The following LRCH3 variants were observed in gnomAD, a reference collection of about 807,000 sequenced individuals.
The protein encoded by LRCH3 is DISP complex protein LRCH3.
In LRCH3, 68 loss-of-function variants were observed where a neutral mutation model predicts 104.5. That is an observed-to-expected ratio of 0.65 (90% confidence interval 0.54 to 0.80). The LOEUF is 0.80. Among genes scored for constraint, LRCH3 ranks in the 30% least tolerant of loss-of-function variants. The probability of loss-of-function intolerance (pLI) is 0.00; values close to 1 mark genes in which losing one functional copy is unlikely to be tolerated. For synonymous variants in LRCH3, 344 were observed against 361.3 expected (o/e 0.95, Z 0.54); for missense variants, 951 against 953.9 (o/e 1.00, Z 0.04).
At chr3:197,824,899 A>G (rs1484253358) in intron 4 of LRCH3, among the ~76,000 whole-genome samples, 1 of 152,114 alleles carries the variant, frequency 6.6e-6, no homozygotes, top group African/African-American at 2.4e-5. Flanking sequence ...TTCTGTGTTA[A>G]ATACTCTGAG....
At chr3:197,844,720 C>T (rs781437741) in intron 10 of LRCH3, among the ~76,000 whole-genome samples, 18 of 152,104 alleles carry the variant, frequency 1.2e-4, no homozygotes, top group Admixed American at 3.3e-4. Context: ...CAGGTTCAAG[C>T]GATTCCCCTG....
At chr3:197,804,861 C>CT (rs1471399158) in intron 1 of LRCH3, among the ~76,000 whole-genome samples, 2 of 151,974 alleles carry the variant, frequency 1.3e-5, no homozygotes, top group Non-Finnish European at 2.9e-5. Context: ...CCAATAGAAT[C>CT]TATCTGTACC....
intron 6 of LRCH3, 54 bp from the exon 7 acceptor site, chr3:197,830,716 A>G (rs564726531): frequency 1.4e-6 from 2 of 1,458,824 alleles, no homozygotes; most frequent in African/African-American, 2.8e-5. Flanking sequence ...TTTAATTTCA[A>G]ATTTTAATTG....
At chr3:197,845,202 A>G (rs1390898967) in intron 10 of LRCH3, among the ~76,000 whole-genome samples, 1 of 152,022 alleles carries the variant, frequency 6.6e-6, no homozygotes, top group Non-Finnish European at 1.5e-5. Context: ...TGAGCCCAGG[A>G]GTTCAAGACC....
At chr3:197,836,967 C>T (rs10428137) in intron 9 of LRCH3, among the ~76,000 whole-genome samples, 4,672 of 152,204 alleles carry the variant, frequency 0.031, 252 homozygotes, top group African/African-American at 0.11. Flanking sequence ...TGTGAGCCAC[C>T]GCACCCAGCC....
chr3:197,850,458 T>A (rs925009747), intron 12 of LRCH3: 123 of 1,586,750 alleles, frequency 7.8e-5, no homozygotes, highest in Non-Finnish European at 1.0e-4. Context: ...CTTTTTCTTC[T>A]GGGCAACCTC....
intron 5 of LRCH3, among the ~76,000 whole-genome samples, chr3:197,827,677 C>A (rs960093408): frequency 6.6e-6 from 1 of 151,902 alleles, no homozygotes; most frequent in Non-Finnish European, 1.5e-5. Context: ...GAATTCTTCC[C>A]TAAATTTTTT....
At chr3:197,828,076 CAAA>C (rs11396052) in intron 5 of LRCH3, among the ~76,000 whole-genome samples, 1 of 129,284 alleles carries the variant, frequency 7.7e-6, no homozygotes, top group African/African-American at 2.9e-5. Flanking sequence ...GACTCCGTCT[CAAA>C]AAAAAAAAAA....
intron 18 of LRCH3, 122 bp from the exon 19 acceptor site, chr3:197,871,203 G>A: frequency 2.6e-6 from 2 of 761,448 alleles, no homozygotes; most frequent in Non-Finnish European, 4.4e-6. Context: ...GGGATAAAAT[G>A]GATATTGTGG....
At chr3:197,881,559 A>C (rs1441157312) in intron 20 of LRCH3, 1 of 983,000 alleles carries the variant, frequency 1.0e-6, no homozygotes, top group African/African-American at 1.8e-5. Context: ...TAATAGTGAA[A>C]CAGTAGCAGG....
intron 17 of LRCH3, among the ~76,000 whole-genome samples, chr3:197,868,810 C>G (rs557423068): frequency 6.6e-6 from 1 of 152,268 alleles, no homozygotes; most frequent in East Asian, 1.9e-4. Flanking sequence ...TGTTAGAAGT[C>G]AGGGTGCGGT....
chr3:197,871,991 G>A (rs372967586), intron 19 of LRCH3, among the ~76,000 whole-genome samples: 8 of 152,156 alleles, frequency 5.3e-5, no homozygotes, highest in African/African-American at 1.9e-4. Context: ...TGTGAAGGAC[G>A]TTTACCCTAG....
intron 6 of LRCH3, 152 bp downstream of exon 6, chr3:197,829,825 C>A: frequency 1.6e-6 from 1 of 619,452 alleles, no homozygotes; most frequent in Non-Finnish European, 2.8e-6. Context: ...AGTTGATTAC[C>A]TAGATCTGGC....
In LRCH3 at chr3:197,817,238, C is replaced by T. The variant is rs1239906247; in HGVS notation, c.470C>T (p.Ala157Val). 1 of 1,610,086 alleles carries T rather than the reference C, an allele frequency of 6.2e-7. No homozygotes were observed. The highest frequency in any genetic ancestry group is 2.2e-5 in the East Asian group (1 of 44,620). Residue 157 changes from alanine to valine, a missense_variant, in exon 3 of 21, where the codon GCT becomes GTT. By Grantham distance (64) the Ala-to-Val change is moderately conservative. Transcript: ENST00000425562. Reference sequence around the variant, plus strand: ...AATTTGCCATTGAAAGTCTTAATTGCTAGTAATAACAAATTGGTGTCACTT... The same window carrying T: ...AATTTGCCATTGAAAGTCTTAATTGTTAGTAATAACAAATTGGTGTCACTT... The part of the protein sequence containing the change: ...LCNLPLKVLI[A>V]SNNKLVSLPE...
chr3:197,886,203 G>A lies in LRCH3; in HGVS notation c.*2537G>A, dbSNP rs2109595848. On this transcript the variant is annotated 3_prime_UTR_variant, in exon 21 of 21. Coordinates refer to ENST00000425562, the MANE Select transcript of LRCH3 (RefSeq NM_001365715.1). ...AATTAAAAAAAAAAAAAAAAAACCA[G>A]GTGTGGTGGCACCTGCCTGTACTCC... is the stretch of plus-strand genomic sequence containing the variant. 1 of 150,494 alleles carries A rather than the reference G, an allele frequency of 6.6e-6. No individual in the cohort carries two copies. Among genetic ancestry groups the A allele is most frequent in the South Asian group, 2.1e-4 (1 of 4,748 alleles). 9.3% of individuals were successfully genotyped at this position (150,494 alleles called of 1,614,324 possible).
Position 197,883,485 on chromosome 3 carries a change from T to C in LRCH3, c.2209-56T>C, listed in dbSNP as rs1713960847. The stretch of plus-strand genomic sequence containing the variant: ...TGCTTATTTTTTCCTTTCAGTTCTA[T>C]GATATTCATCCGATTTTCTTTTTTG... On this transcript the variant is annotated intron_variant, in intron 20 of 20. Transcript: ENST00000425562. This position sits in a 1 kb window ranked among gnomAD's most constrained non-coding sequence, Gnocchi z 4.2. The C allele has an allele frequency of 2.0e-6, 3 of 1,514,558 alleles. No homozygotes were observed. Among genetic ancestry groups the C allele is most frequent in the South Asian group, 1.2e-5 (1 of 81,452 alleles). The allele number at this position is 1,514,558 out of a possible 1,614,324, so 93.8% of individuals were successfully genotyped here. A position where few individuals can be genotyped will look rare whatever the true frequency, so the allele number is the denominator to read the frequency against.
At chr3:197,881,290 C>T (rs1006584115) in intron 20 of LRCH3, 54 of 990,114 alleles carry the variant, frequency 5.5e-5, no homozygotes, top group East Asian at 1.1e-4. Flanking sequence ...GCGGTCTGGA[C>T]GTTTCAAAGG....
At chr3:197,833,354 T>A (rs1736222906) in intron 8 of LRCH3, among the ~76,000 whole-genome samples, 1 of 55,992 alleles carries the variant, frequency 1.8e-5, no homozygotes, top group Non-Finnish European at 3.2e-5. Flanking sequence ...ACCCCATCTC[T>A]ACTAAAAACC....
chr3:197,874,895 C>A (rs552898785), intron 19 of LRCH3, among the ~76,000 whole-genome samples: 1 of 151,944 alleles, frequency 6.6e-6, no homozygotes, highest in East Asian at 1.9e-4. Flanking sequence ...TGCTTTCAAG[C>A]TCCTGGCAGA....
Sources: gnomAD v4.1 joint callset for allele counts (sites outside exome capture counted in the v4.1 genomes callset) on GRCh38, gnomAD v4.1.1 for gene constraint, Gnocchi (gnomAD v3.1) non-coding constraint, MANE v1.5 for transcripts, NCBI Gene and HGNC (gene_info 2026-07-23, HGNC 2026-07-21) for gene names.